DNAJC1: variants seen among roughly 807,000 people sequenced by gnomAD.
DNAJC1 encodes the protein DnaJ heat shock protein family (Hsp40) member C1, also known as dnaJ homolog subfamily C member 1.
In DNAJC1, 58 loss-of-function variants were observed where a neutral mutation model predicts 76.6. That is an observed-to-expected ratio of 0.76 (90% CI 0.61 to 0.94). The LOEUF (loss-of-function observed/expected upper bound fraction) is 0.94, where lower values mean the gene tolerates loss of function less well. Ranked by LOEUF, DNAJC1 falls within the 40% of genes least tolerant of loss-of-function variation. The pLI, the probability that DNAJC1 is intolerant of heterozygous loss-of-function variation, is 0.00. For synonymous variants in DNAJC1, 258 were observed against 267.9 expected (o/e 0.96, Z 0.36); for missense variants, 689 against 677.3 (o/e 1.02, Z -0.19).
intron 8 of DNAJC1, among the ~76,000 whole-genome samples, chr10:21,807,788 A>G (rs1361464435): frequency 1.3e-5 from 2 of 152,200 alleles, no homozygotes; most frequent in African/African-American, 4.8e-5. Context: ...GGTAGCCCAC[A>G]TTGGGTCTGG....
chr10:21,813,231 T>TATATATATACAC (rs1564794901), intron 8 of DNAJC1, among the ~76,000 whole-genome samples: 4 of 131,868 alleles, frequency 3.0e-5, no homozygotes, highest in African/African-American at 9.3e-5. Flanking sequence ...TATATATATA[T>TATATATATACAC]ATATATATAT....
chr10:21,791,351 C>T (rs999413927), intron 9 of DNAJC1, among the ~76,000 whole-genome samples: 2 of 152,114 alleles, frequency 1.3e-5, no homozygotes, highest in African/African-American at 2.4e-5. Flanking sequence ...AAATCAACAA[C>T]AAGAAAACAC....
intron 1 of DNAJC1, among the ~76,000 whole-genome samples, chr10:21,994,114 C>G (rs895351347): frequency 4.6e-5 from 7 of 152,164 alleles, no homozygotes. Context: ...TTTATCAATA[C>G]AAAGTATTTA....
intron 8 of DNAJC1, among the ~76,000 whole-genome samples, chr10:21,813,099 A>G (rs1013726489): frequency 2.1e-4 from 28 of 131,080 alleles, no homozygotes; most frequent in African/African-American, 8.3e-4. Context: ...ACACACACAT[A>G]TATATATATA....
chr10:21,773,359 A>G (rs1252701178), intron 9 of DNAJC1, among the ~76,000 whole-genome samples: 2 of 151,900 alleles, frequency 1.3e-5, no homozygotes, highest in African/African-American at 4.8e-5. Context: ...TAATATTCCA[A>G]TTTCCCTCAT....
Position 21,929,160 on chromosome 10 carries a change from G to GTTC in DNAJC1, c.223-20_223-19insGAA, listed in dbSNP as rs1564830361. ...ATGCATCCTGGAGGTGGTAGGGGGA[G>GTTC]GGGAAAATACAAAGCAAACTTTGTC... On this transcript the variant is annotated intron_variant, in intron 1 of 11. Transcript: ENST00000376980. 6.4e-7 allele frequency: 1 copy of GTTC among 1,555,916 alleles called. No homozygotes were observed. Among genetic ancestry groups the GTTC allele is most frequent in the South Asian group, 1.1e-5 (1 of 87,552 alleles).
At chr10:21,902,826 C>T (rs982392483) in intron 7 of DNAJC1, among the ~76,000 whole-genome samples, 1 of 151,970 alleles carries the variant, frequency 6.6e-6, no homozygotes, top group African/African-American at 2.4e-5. Context: ...TTTTTTTTAA[C>T]AAAAAATTAC....
intron 8 of DNAJC1, among the ~76,000 whole-genome samples, chr10:21,842,274 T>C (rs1354450432): frequency 1.4e-5 from 2 of 147,538 alleles, no homozygotes; most frequent in Non-Finnish European, 3.0e-5. Context: ...AAACCTCATG[T>C]GAGAGAAGCA....
chr10:21,926,277 T>A (rs1056890281), intron 3 of DNAJC1, among the ~76,000 whole-genome samples: 1 of 151,350 alleles, frequency 6.6e-6, no homozygotes, highest in African/African-American at 2.4e-5. Context: ...TTTTTTTTTT[T>A]AACTAAAAGT....
intron 9 of DNAJC1, among the ~76,000 whole-genome samples, chr10:21,778,983 G>A (rs1016205521): frequency 3.3e-5 from 5 of 152,212 alleles, no homozygotes; most frequent in Admixed American, 1.3e-4. Context: ...CACGCCCATG[G>A]AGCCTCGCTC....
chr10:21,823,086 G>A (rs1835186955), intron 8 of DNAJC1, among the ~76,000 whole-genome samples: 1 of 152,034 alleles, frequency 6.6e-6, no homozygotes, highest in African/African-American at 2.4e-5. Flanking sequence ...TGTAAATCAT[G>A]ACAATTTTAA....
intron 8 of DNAJC1, among the ~76,000 whole-genome samples, chr10:21,859,762 CAG>C (rs1257837996): frequency 6.6e-6 from 1 of 151,980 alleles, no homozygotes; most frequent in African/African-American, 2.4e-5. Flanking sequence ...GGGAAACTAA[CAG>C]ATAAACTCTT....
chr10:21,905,147 T>C (rs1397855209), intron 6 of DNAJC1, among the ~76,000 whole-genome samples: 1 of 151,600 alleles, frequency 6.6e-6, no homozygotes, highest in Non-Finnish European at 1.5e-5. Context: ...TACCATGAAG[T>C]CTTGAGGATT....
intron 8 of DNAJC1, among the ~76,000 whole-genome samples, chr10:21,859,174 C>T (rs539264476): frequency 6.6e-6 from 1 of 152,154 alleles, no homozygotes; most frequent in Non-Finnish European, 1.5e-5. Context: ...ACGTTTGACT[C>T]TTCCAAGAAC....
At chr10:21,836,907 G>A (rs1003933990) in intron 8 of DNAJC1, among the ~76,000 whole-genome samples, 15 of 151,988 alleles carry the variant, frequency 9.9e-5, no homozygotes, top group Admixed American at 2.6e-4. Flanking sequence ...CTCCCTCTCC[G>A]TCTCTCCACG....
intron 1 of DNAJC1, among the ~76,000 whole-genome samples, chr10:21,945,646 A>G (rs1294346801): frequency 2.0e-5 from 3 of 152,192 alleles, no homozygotes; most frequent in Admixed American, 1.3e-4. Context: ...TATAAATGTT[A>G]TAGATCTTGG....
chr10:21,872,466 T>A (rs1836120544), intron 8 of DNAJC1, among the ~76,000 whole-genome samples: 1 of 152,072 alleles, frequency 6.6e-6, no homozygotes, highest in African/African-American at 2.4e-5. Context: ...ATTCAGAATA[T>A]CAACAGATTA....
At chr10:21,876,566 A>C (rs1353622145) in intron 8 of DNAJC1, among the ~76,000 whole-genome samples, 2 of 152,248 alleles carry the variant, frequency 1.3e-5, no homozygotes, top group African/African-American at 2.4e-5. Context: ...AACAAGCTGC[A>C]TTAAACATTT....
intron 8 of DNAJC1, among the ~76,000 whole-genome samples, chr10:21,878,929 TTATAAAG>T (rs1836229537): frequency 6.6e-6 from 1 of 152,062 alleles, no homozygotes; most frequent in East Asian, 1.9e-4. Context: ...TGTGCTATAT[TTATAAAG>T]TATTATACAG....
Sources: gnomAD v4.1 joint callset for allele counts (sites outside exome capture counted in the v4.1 genomes callset) on GRCh38, gnomAD v4.1.1 for gene constraint, MANE v1.5 for transcripts, NCBI Gene and HGNC (gene_info 2026-07-23, HGNC 2026-07-21) for gene names.